MPP7: variants seen among roughly 807,000 people sequenced by gnomAD.
MPP7 encodes MAGUK p55 subfamily member 7.
Under a neutral mutation model 76.5 loss-of-function variants are expected in MPP7, and 60 were observed. That is an observed-to-expected ratio of 0.78 (90% CI 0.64 to 0.97). The LOEUF (loss-of-function observed/expected upper bound fraction) is 0.97, where lower values mean the gene tolerates loss of function less well. Among genes scored for constraint, MPP7 ranks in the 50% least tolerant of loss-of-function variants. The pLI, the probability that MPP7 is intolerant of heterozygous loss-of-function variation, is 0.00. For synonymous variants in MPP7, 237 were observed against 244.5 expected, an observed-to-expected ratio of 0.97 and a Z score of 0.29; for missense variants, 641 against 694.0, an observed-to-expected ratio of 0.92 and a Z score of 0.86.
chr10:28,165,218 A>G (rs1198476965), intron 3 of MPP7, among the ~76,000 whole-genome samples: 1 of 152,148 alleles, frequency 6.6e-6, no homozygotes, highest in Non-Finnish European at 1.5e-5. Flanking sequence ...GGGACTTTGC[A>G]GATGACTCTT....
chr10:28,219,229 C>G (rs1347276698), intron 2 of MPP7, among the ~76,000 whole-genome samples: 2 of 152,038 alleles, frequency 1.3e-5, no homozygotes, highest in East Asian at 1.9e-4. Context: ...AATGACATAT[C>G]TAAAATGGGA....
chr10:28,181,219 A>G (rs905851347), intron 3 of MPP7, among the ~76,000 whole-genome samples: 14 of 152,230 alleles, frequency 9.2e-5, no homozygotes, highest in African/African-American at 2.9e-4. Flanking sequence ...AAAGATTTAA[A>G]GTATTTTACG....
intron 1 of MPP7, among the ~76,000 whole-genome samples, chr10:28,291,577 A>G (rs1479789255): frequency 6.6e-6 from 1 of 152,200 alleles, no homozygotes; most frequent in Non-Finnish European, 1.5e-5. Flanking sequence ...ACTGCACTCC[A>G]GCCTGGGCGA....
chr10:28,169,648 A>G (rs1202452537), intron 3 of MPP7, among the ~76,000 whole-genome samples: 2 of 152,170 alleles, frequency 1.3e-5, no homozygotes, highest in East Asian at 3.9e-4. Context: ...TAAGCCTTGA[A>G]CATTTTTTGT....
chr10:28,192,427 C>T (rs961011758), intron 3 of MPP7, among the ~76,000 whole-genome samples: 1 of 152,144 alleles, frequency 6.6e-6, no homozygotes, highest in African/African-American at 2.4e-5. Flanking sequence ...GGATGCAAGA[C>T]AGAAGCTTAA....
chr10:28,200,216 T>C (rs1463559516), intron 3 of MPP7, among the ~76,000 whole-genome samples: 3 of 152,164 alleles, frequency 2.0e-5, no homozygotes, highest in African/African-American at 7.2e-5. Flanking sequence ...TTGCAGACTT[T>C]ACATACTTGA....
chr10:28,143,580 T>TTAGGACCTCAATCGTGTG (rs1564655551), intron 5 of MPP7, among the ~76,000 whole-genome samples: 4 of 151,702 alleles, frequency 2.6e-5, no homozygotes, highest in South Asian at 2.1e-4. Context: ...TGTATTCCTA[T>TTAGGACCTCAATCGTGTG]CTTTGTGGAT....
chr10:28,058,010 C>T (rs1405458496), intron 15 of MPP7, among the ~76,000 whole-genome samples: 2 of 152,148 alleles, frequency 1.3e-5, no homozygotes, highest in Non-Finnish European at 2.9e-5. Flanking sequence ...ATGGGGCTTT[C>T]ATTCAGTACA....
intron 13 of MPP7, among the ~76,000 whole-genome samples, chr10:28,064,238 TG>T (rs1851905061): frequency 6.6e-6 from 1 of 152,180 alleles, no homozygotes; most frequent in African/African-American, 2.4e-5. Context: ...TTCTATACAA[TG>T]GAATGCTATT....
chr10:28,058,440 G>C, intron 15 of MPP7, 55 bp downstream of exon 15: 1 of 872,066 alleles, frequency 1.1e-6, no homozygotes, highest in Admixed American at 2.5e-5. Context: ...GCTCACATGA[G>C]GTGCTGTAGA....
chr10:28,313,806 C>A (rs1841303153), intron 2 of MPP7, among the ~76,000 whole-genome samples: 1 of 151,610 alleles, frequency 6.6e-6, no homozygotes, highest in South Asian at 2.1e-4. Flanking sequence ...CCCACCTCAG[C>A]CTCCAAAGTA....
Position 28,053,861 on chromosome 10 carries a change from G to T in MPP7, c.*204C>A. On this transcript the variant is annotated 3_prime_UTR_variant, in exon 17 of 17. Coordinates refer to ENST00000683449, the MANE Select transcript of MPP7 (RefSeq NM_001318170.2). ...GAGGTTTTGCTTAGAATACAGTACT[G>T]TGCATATTTTGATTTCGGATCTTAT... 1 of 593,958 alleles carries T rather than the reference G, an allele frequency of 1.7e-6. No homozygotes were observed. The highest frequency in any genetic ancestry group is 3.0e-6 in the Non-Finnish European group (1 of 337,916). The allele number at this position is 593,958 out of a possible 1,614,324, so 36.8% of individuals were successfully genotyped here. A position where few individuals can be genotyped will look rare whatever the true frequency, so the allele number is the denominator to read the frequency against.
chr10:28,220,869 T>G (rs1272401583), intron 2 of MPP7, among the ~76,000 whole-genome samples: 1 of 152,192 alleles, frequency 6.6e-6, no homozygotes, highest in Non-Finnish European at 1.5e-5. Flanking sequence ...AGCACAAGGT[T>G]GGCCCTTAAT....
rs371934226 is a variant in MPP7, at chr10:28,113,943, A to T, written c.952+5708T>A. On this transcript the variant is annotated intron_variant, in intron 11 of 16. Coordinates refer to ENST00000683449, the MANE Select transcript of MPP7 (RefSeq NM_001318170.2). ...TTAGCATGACCTCCCATGGCCCGCCATCCCTCCCCAAAGCTTCGGTATTCC... is the reference window on the plus strand; with the variant it reads ...TTAGCATGACCTCCCATGGCCCGCCTTCCCTCCCCAAAGCTTCGGTATTCC... 3.5e-4 allele frequency among the ~76,000 whole-genome samples: 54 copies of T among 152,302 alleles called. 1 individual carries two copies. Among genetic ancestry groups the T allele is most frequent in the African/African-American group, 1.3e-3 (53 of 41,568 alleles).
At chr10:28,213,909 A>G (rs1838229702) in intron 2 of MPP7, among the ~76,000 whole-genome samples, 1 of 152,012 alleles carries the variant, frequency 6.6e-6, no homozygotes, top group Non-Finnish European at 1.5e-5. Flanking sequence ...ATTGTTGGCA[A>G]TATGAAAATT....
chr10:28,113,553 T>TA (rs1044344588), intron 11 of MPP7, among the ~76,000 whole-genome samples: 2 of 151,988 alleles, frequency 1.3e-5, no homozygotes, highest in African/African-American at 4.8e-5. Flanking sequence ...ATCAAGTCCT[T>TA]ATGAGAGAGG....
chr10:28,085,589 G>A (rs1207862988), intron 12 of MPP7, among the ~76,000 whole-genome samples: 1 of 152,102 alleles, frequency 6.6e-6, no homozygotes, highest in East Asian at 1.9e-4. Flanking sequence ...AATCTATAGA[G>A]AATGAGGAAA....
intron 11 of MPP7, among the ~76,000 whole-genome samples, chr10:28,092,101 C>T (rs1853334410): frequency 6.6e-6 from 1 of 152,160 alleles, no homozygotes. Flanking sequence ...TTACCAATGA[C>T]TAACAATGGT....
At chr10:28,131,454 A>C in intron 6 of MPP7, 106 bp downstream of exon 6, 1 of 989,212 alleles carries the variant, frequency 1.0e-6, no homozygotes, top group South Asian at 3.0e-5. Flanking sequence ...TTTCTTTTAA[A>C]GTTTAAGAAC....
Sources: allele counts gnomAD v4.1 joint callset (sites outside exome capture counted in the v4.1 genomes callset), GRCh38; gene constraint gnomAD v4.1.1; transcripts MANE v1.5; gene names NCBI Gene and HGNC (gene_info 2026-07-23, HGNC 2026-07-21).